The following PLCL2 variants were observed in gnomAD, a reference collection of about 807,000 sequenced individuals.
PLCL2 encodes the protein phospholipase C like 2, also known as inactive phospholipase C-like protein 2.
PLCL2 carries 4 observed loss-of-function variants against 79.6 expected under a neutral mutation model. That is an observed-to-expected ratio of 0.05 (90% confidence interval 0.02 to 0.11). The LOEUF (loss-of-function observed/expected upper bound fraction) is 0.11. Among genes scored for constraint, PLCL2 ranks in the 10% least tolerant of loss-of-function variants. The probability of loss-of-function intolerance (pLI) is 1.00; values close to 1 mark genes in which losing one functional copy is unlikely to be tolerated. For synonymous variants in PLCL2, 484 were observed against 457.7 expected, an observed-to-expected ratio of 1.06 and a Z score of -0.73; for missense variants, 895 against 1,291.0, an observed-to-expected ratio of 0.69 and a Z score of 4.70.
intron 1 of PLCL2, among the ~76,000 whole-genome samples, chr3:16,922,236 A>G (rs921165799): frequency 6.6e-6 from 1 of 152,212 alleles, no homozygotes; most frequent in Admixed American, 6.5e-5. Flanking sequence ...AGGAATGCTA[A>G]GTCAAACCTA....
intron 5 of PLCL2, among the ~76,000 whole-genome samples, chr3:17,089,079 AACAGATTAG>A (rs2065248968): frequency 1.3e-5 from 2 of 152,042 alleles, no homozygotes; most frequent in Admixed American, 1.3e-4. Flanking sequence ...AGAGATGGAG[AACAGATTAG>A]TGGTTGCCAG....
In PLCL2 at chr3:17,042,840, G is replaced by A. The variant is rs768581775; in HGVS notation, c.3019-34G>A. The A allele has an allele frequency of 3.4e-6, 5 of 1,467,312 alleles. No individual in the cohort carries two copies. The Admixed American group carries it at 8.4e-5, about 25-fold the overall frequency. 90.9% of individuals were successfully genotyped at this position (1,467,312 alleles called of 1,614,324 possible). On this transcript the variant is annotated intron_variant, in intron 3 of 5. Coordinates refer to ENST00000615277, the MANE Select transcript of PLCL2 (RefSeq NM_001144382.2). ...AATGCAGGAGGGGATCTAGTTGTCAGGTGTAATCTCATGTCTGGATGTTCC... is the reference window on the plus strand; with the variant it reads ...AATGCAGGAGGGGATCTAGTTGTCAAGTGTAATCTCATGTCTGGATGTTCC...
intron 1 of PLCL2, among the ~76,000 whole-genome samples, chr3:16,964,056 G>A (rs928522979): frequency 1.8e-4 from 28 of 151,984 alleles, no homozygotes; most frequent in Non-Finnish European, 3.7e-4. Flanking sequence ...AAGTTCTAGG[G>A]TACATGTGCA....
intron 5 of PLCL2, among the ~76,000 whole-genome samples, chr3:17,082,139 G>GTTTTTTTTTTTTTTTTTTTTTTTTTT: frequency 9.9e-6 from 1 of 101,334 alleles, no homozygotes; most frequent in Non-Finnish European, 1.9e-5. Context: ...CTCTTTCAGA[G>GTTTTTTTTTTTTTTTTTTTTTTTTTT]TTTTTTTTTT....
chr3:16,970,470 A>G (rs370473194), intron 1 of PLCL2, among the ~76,000 whole-genome samples: 3,048 of 146,248 alleles, frequency 0.021, 49 homozygotes, highest in South Asian at 0.042. Flanking sequence ...ATTGTTGGAC[A>G]TTTGGGTTGG....
intron 1 of PLCL2, among the ~76,000 whole-genome samples, chr3:16,983,318 C>A (rs1432628157): frequency 6.6e-6 from 1 of 152,184 alleles, no homozygotes; most frequent in African/African-American, 2.4e-5. Flanking sequence ...GAGTAAGTGA[C>A]TCTTGTGGGA....
Position 16,957,521 on chromosome 3 carries a change from C to G in PLCL2, c.328-52153C>G, listed in dbSNP as rs556731884. ...GTATATTCTGTTGATTTGGGGTGGA[C>G]AGTTCTGTAGATGTCTGTTAGGTCT... On this transcript the variant is annotated intron_variant, in intron 1 of 5. Transcript: ENST00000615277. Among the ~76,000 whole-genome samples, 820 of 152,120 alleles carry G rather than the reference C, an allele frequency of 5.4e-3. 7 individuals carry two copies. The highest frequency in any genetic ancestry group is 0.018 in the African/African-American group (763 of 41,490).
intron 1 of PLCL2, among the ~76,000 whole-genome samples, chr3:16,971,065 A>T (rs1218241726): frequency 6.6e-6 from 1 of 151,692 alleles, no homozygotes; most frequent in Non-Finnish European, 1.5e-5. Flanking sequence ...TCTTTAGTTT[A>T]ATTAGATCCC....
chr3:17,089,624 C>A, intron 5 of PLCL2, 109 bp from the exon 6 acceptor site: 1 of 700,742 alleles, frequency 1.4e-6, no homozygotes, highest in South Asian at 2.1e-5. Context: ...ATAATTATGC[C>A]TTCTTGTGGA....
At chr3:16,900,168 T>C (rs1422629632) in intron 1 of PLCL2, among the ~76,000 whole-genome samples, 1 of 152,188 alleles carries the variant, frequency 6.6e-6, no homozygotes, top group Non-Finnish European at 1.5e-5. Context: ...GTTACTGAGG[T>C]AGCAGTGACT....
chr3:16,996,049 G>A (rs2064149910), intron 1 of PLCL2, among the ~76,000 whole-genome samples: 1 of 152,178 alleles, frequency 6.6e-6, no homozygotes, highest in South Asian at 2.1e-4. Context: ...ATATGGGCAG[G>A]GAAATCAGCA....
At chr3:17,050,094 T>G (rs1389967682) in intron 4 of PLCL2, among the ~76,000 whole-genome samples, 1 of 152,174 alleles carries the variant, frequency 6.6e-6, no homozygotes. Flanking sequence ...ACACAGTGTC[T>G]TCAGTAAATC....
chr3:16,983,571 G>C (rs773986402), intron 1 of PLCL2, among the ~76,000 whole-genome samples: 4 of 152,180 alleles, frequency 2.6e-5, no homozygotes, highest in Non-Finnish European at 5.9e-5. Context: ...TCAGGAGGCT[G>C]AGGCAGGAGA....
rs141837634 is a variant in PLCL2 at position 17,009,800 on chromosome 3, G to A, written c.454G>A (p.Val152Ile). Residue 152 changes from valine (V) to isoleucine (I), a missense_variant, in exon 2 of 6, where the codon GTT becomes ATT. Val to Ile is a conservative substitution (Grantham distance 29). Transcript: ENST00000615277. This position sits in a 1 kb window ranked among gnomAD's most constrained non-coding sequence, Gnocchi z 4.0. ...SMVEGSELKK[V>I]RSNSRIYHRY... The stretch of plus-strand genomic sequence containing the variant: ...GGTTGAGGGTTCAGAACTCAAAAAG[G>A]TTCGCTCCAACTCTAGAATTTATCA... 69 of 1,613,730 alleles carry A rather than the reference G, an allele frequency of 4.3e-5. No individual in the cohort carries two copies. In the African/African-American group the frequency reaches 4.9e-4, roughly 12 times the overall value.
At chr3:17,051,968 G>A (rs1218225315) in intron 4 of PLCL2, among the ~76,000 whole-genome samples, 3 of 152,026 alleles carry the variant, frequency 2.0e-5, no homozygotes, top group Non-Finnish European at 4.4e-5. Flanking sequence ...GTAGATTAAA[G>A]GGTCATAAGT....
At chr3:16,969,223 C>T (rs2063834581) in intron 1 of PLCL2, among the ~76,000 whole-genome samples, 2 of 151,964 alleles carry the variant, frequency 1.3e-5, no homozygotes, top group South Asian at 4.1e-4. Context: ...TGTGTCTCTT[C>T]CAGGTTGTGG....
At chr3:17,001,740 G>C (rs1301340981) in intron 1 of PLCL2, among the ~76,000 whole-genome samples, 1 of 152,102 alleles carries the variant, frequency 6.6e-6, no homozygotes, top group Non-Finnish European at 1.5e-5. Context: ...GTACCATGCT[G>C]TTTTGGTTAC....
At chr3:16,913,806 AGAT>A (rs1319837437) in intron 1 of PLCL2, among the ~76,000 whole-genome samples, 5 of 152,194 alleles carry the variant, frequency 3.3e-5, no homozygotes, top group African/African-American at 1.2e-4. Flanking sequence ...TGGGGGTGCT[AGAT>A]TTAGAAATTA....
intron 1 of PLCL2, among the ~76,000 whole-genome samples, chr3:16,946,367 A>G (rs2063600482): frequency 1.3e-5 from 2 of 151,758 alleles, no homozygotes; most frequent in African/African-American, 2.4e-5. Context: ...TTCTTCATAT[A>G]CTAGATGGAG....
Sources: gnomAD v4.1 joint callset for allele counts (sites outside exome capture counted in the v4.1 genomes callset) on GRCh38, gnomAD v4.1.1 for gene constraint, Gnocchi (gnomAD v3.1) non-coding constraint, MANE v1.5 for transcripts, NCBI Gene and HGNC (gene_info 2026-07-23, HGNC 2026-07-21) for gene names.